Variants in NSMCE2 observed in about 807,000 individuals in gnomAD.
NSMCE2 encodes E3 SUMO-protein ligase NSE2.
Under a neutral mutation model 23.8 loss-of-function variants are expected in NSMCE2, and 24 were observed. That is an observed-to-expected ratio of 1.01 (90% CI 0.73 to 1.42). The LOEUF (loss-of-function observed/expected upper bound fraction) is 1.42. NSMCE2 is among the 40% of genes most tolerant of loss of function. The pLI is 0.00. For missense variants in NSMCE2, 284 were observed against 296.5 expected, an observed-to-expected ratio of 0.96 and a Z score of 0.31; for synonymous variants, 92 against 94.1, an observed-to-expected ratio of 0.98 and a Z score of 0.13.
chr8:125,116,750 G>T (rs1266776094), intron 3 of NSMCE2, among the ~76,000 whole-genome samples: 1 of 152,038 alleles, frequency 6.6e-6, no homozygotes, highest in Non-Finnish European at 1.5e-5. Flanking sequence ...TTTCAGAGGT[G>T]ATTTATTTTC....
chr8:125,320,584 G>A (rs993135727), intron 5 of NSMCE2, among the ~76,000 whole-genome samples: 2 of 152,064 alleles, frequency 1.3e-5, no homozygotes, highest in Admixed American at 6.5e-5. Context: ...ACAGTGGAAT[G>A]AAATTTTTAA....
intron 5 of NSMCE2, among the ~76,000 whole-genome samples, chr8:125,284,210 G>A (rs201072149): frequency 2.3e-3 from 313 of 134,356 alleles, no homozygotes; most frequent in African/African-American, 8.0e-3. Context: ...AAAAAAAAAA[G>A]AAAAAAAATT....
Position 125,183,687 on chromosome 8 carries a change from G to C in NSMCE2, c.418+1431G>C, listed in dbSNP as rs185070991. ...TATAGTATCTGGCACATGGACCTGT[G>C]ATTACCAGCCTGAGGCCAACAAACC... On this transcript the variant is annotated intron_variant, in intron 5 of 7. Coordinates refer to ENST00000287437, the MANE Select transcript of NSMCE2 (RefSeq NM_173685.4). 2.0e-5 allele frequency among the ~76,000 whole-genome samples: 3 copies of C among 149,986 alleles called. No individual in the cohort carries two copies. In the East Asian group the frequency reaches 5.8e-4, roughly 29 times the overall value.
intron 5 of NSMCE2, among the ~76,000 whole-genome samples, chr8:125,263,295 G>C (rs1162363594): frequency 2.0e-5 from 3 of 152,094 alleles, no homozygotes; most frequent in African/African-American, 4.8e-5. Flanking sequence ...TGTCAGTTTG[G>C]TTCTATAATG....
intron 3 of NSMCE2, among the ~76,000 whole-genome samples, chr8:125,129,544 CTGTGTGTGTGTGTGTGTG>C (rs10578122): frequency 1.4e-5 from 2 of 145,358 alleles, no homozygotes; most frequent in Admixed American, 6.9e-5. Flanking sequence ...AGATTTGGCT[CTGTGTGTGTGTGTGTGTG>C]TGTGTGTGTG....
chr8:125,341,488 A>G (rs1830242510), intron 5 of NSMCE2, among the ~76,000 whole-genome samples: 1 of 152,158 alleles, frequency 6.6e-6, no homozygotes, highest in Admixed American at 6.5e-5. Context: ...GCGAAGCAAG[A>G]TCAACCAGTC....
At chr8:125,178,156 C>T (rs541580283) in intron 4 of NSMCE2, among the ~76,000 whole-genome samples, 1 of 152,206 alleles carries the variant, frequency 6.6e-6, no homozygotes, top group South Asian at 2.1e-4. Context: ...TTTTTTTAAA[C>T]TCTCATTATC....
chr8:125,200,390 A>C (rs1460203195), intron 5 of NSMCE2, among the ~76,000 whole-genome samples: 3 of 152,108 alleles, frequency 2.0e-5, no homozygotes, highest in Non-Finnish European at 4.4e-5. Context: ...ATCTCTCAGC[A>C]TTTGCTTGTC....
chr8:125,222,277 A>G (rs1824898748), intron 5 of NSMCE2, among the ~76,000 whole-genome samples: 1 of 152,156 alleles, frequency 6.6e-6, no homozygotes, highest in African/African-American at 2.4e-5. Context: ...ATATTTATGG[A>G]ATACAGCGTG....
At chr8:125,174,489 G>T (rs1313971948) in intron 4 of NSMCE2, among the ~76,000 whole-genome samples, 1 of 152,170 alleles carries the variant, frequency 6.6e-6, no homozygotes, top group African/African-American at 2.4e-5. Context: ...GTATTATAGT[G>T]GGCATGGTGC....
intron 3 of NSMCE2, among the ~76,000 whole-genome samples, chr8:125,120,737 A>G (rs1390070497): frequency 1.3e-5 from 2 of 152,138 alleles, no homozygotes; most frequent in Non-Finnish European, 2.9e-5. Context: ...TGTGGGTGGG[A>G]GTTATGAACC....
At chr8:125,328,371 T>A (rs754970670) in intron 5 of NSMCE2, among the ~76,000 whole-genome samples, 18 of 152,038 alleles carry the variant, frequency 1.2e-4, no homozygotes, top group Non-Finnish European at 2.5e-4. Flanking sequence ...CTCATCAGAG[T>A]CTAGTGAAAG....
At chr8:125,181,091 G>A (rs950434433) in intron 4 of NSMCE2, among the ~76,000 whole-genome samples, 2 of 152,138 alleles carry the variant, frequency 1.3e-5, no homozygotes, top group Non-Finnish European at 2.9e-5. Flanking sequence ...GAAAGGGAGC[G>A]ATTATGAAGG....
At chr8:125,131,477 C>T (rs1819767647) in intron 3 of NSMCE2, among the ~76,000 whole-genome samples, 1 of 152,020 alleles carries the variant, frequency 6.6e-6, no homozygotes, top group South Asian at 2.1e-4. Flanking sequence ...GAGAATGAGG[C>T]AGATCTCAAA....
intron 5 of NSMCE2, among the ~76,000 whole-genome samples, chr8:125,194,551 A>G (rs1823516674): frequency 6.6e-6 from 1 of 152,216 alleles, no homozygotes; most frequent in South Asian, 2.1e-4. Flanking sequence ...TAAAACTGCT[A>G]GGATTCATGT....
intron 5 of NSMCE2, among the ~76,000 whole-genome samples, chr8:125,260,867 A>C (rs565327114): frequency 2.0e-5 from 3 of 151,894 alleles, no homozygotes; most frequent in African/African-American, 7.2e-5. Flanking sequence ...CAGGTGATCC[A>C]CCTGCCTTGG....
intron 5 of NSMCE2, among the ~76,000 whole-genome samples, chr8:125,249,804 G>C (rs1049736828): frequency 6.6e-6 from 1 of 152,070 alleles, no homozygotes; most frequent in African/African-American, 2.4e-5. Context: ...TTTAGGTTTG[G>C]GATGATGGTG....
At chr8:125,251,601 A>G (rs1826200149) in intron 5 of NSMCE2, among the ~76,000 whole-genome samples, 1 of 152,236 alleles carries the variant, frequency 6.6e-6, no homozygotes, top group South Asian at 2.1e-4. Context: ...CCAAGTTTCC[A>G]GCATATATTC....
At chr8:125,339,365 G>T (rs1830162517) in intron 5 of NSMCE2, among the ~76,000 whole-genome samples, 1 of 152,072 alleles carries the variant, frequency 6.6e-6, no homozygotes, top group African/African-American at 2.4e-5. Context: ...CTTTGGATTG[G>T]GGGCTCTGTC....
Sources: allele counts gnomAD v4.1 joint callset (sites outside exome capture counted in the v4.1 genomes callset), GRCh38; gene constraint gnomAD v4.1.1; transcripts MANE v1.5; gene names NCBI Gene and HGNC (gene_info 2026-07-23, HGNC 2026-07-21).